Variants in TNIK observed in about 807,000 individuals in gnomAD.
TNIK encodes TRAF2 and NCK-interacting protein kinase.
In TNIK, 49 loss-of-function variants were observed where a neutral mutation model predicts 191.3. The observed-to-expected ratio is 0.26, with a 90% CI of 0.20 to 0.32. The LOEUF (loss-of-function observed/expected upper bound fraction) is 0.32, where lower values mean the gene tolerates loss of function less well. Among genes scored for constraint, TNIK ranks in the 10% least tolerant of loss-of-function variants. The pLI is 1.00. For synonymous variants in TNIK, 594 were observed against 600.9 expected (o/e 0.99, Z 0.17); for missense variants, 1,155 against 1,702.3 (o/e 0.68, Z 5.66).
intron 1 of TNIK, among the ~76,000 whole-genome samples, chr3:171,400,781 A>G (rs1720852851): frequency 6.6e-6 from 1 of 152,184 alleles, no homozygotes; most frequent in African/African-American, 2.4e-5. Flanking sequence ...CACAAAGACA[A>G]GGAAAGAGTC....
intron 2 of TNIK, among the ~76,000 whole-genome samples, chr3:171,281,947 T>C (rs757871386): frequency 6.6e-6 from 1 of 152,162 alleles, no homozygotes; most frequent in South Asian, 2.1e-4. Context: ...ACTGAATTAG[T>C]AACTATAGAA....
rs374543198 is a variant in TNIK, at chr3:171,138,239, A to G, written c.1560T>C (p.His520=). 31 of 1,612,798 alleles carry G rather than the reference A, an allele frequency of 1.9e-5. No homozygotes were observed. In the African/African-American group the frequency reaches 3.5e-4, roughly 18 times the overall value. ...CACTAGGACTCATTCCTTCTTTGTA[A>G]TGGTACAGTGGCTTCTTCTCCACAG... The part of the protein sequence containing the change: ...QRPVEKKPLY[H]YKEGMSPSEK... Residue 520 remains histidine, a synonymous_variant, in exon 15 of 33, where the codon CAT becomes CAC. Coordinates refer to ENST00000436636, the MANE Select transcript of TNIK (RefSeq NM_015028.4).
At chr3:171,081,268 A>G (rs182791041) in intron 27 of TNIK, among the ~76,000 whole-genome samples, 1 of 152,218 alleles carries the variant, frequency 6.6e-6, no homozygotes, top group East Asian at 1.9e-4. Context: ...GGTAAAAGAA[A>G]GAGGAAGTTT....
chr3:171,204,332 G>C (rs959049093), intron 4 of TNIK, among the ~76,000 whole-genome samples: 11 of 152,186 alleles, frequency 7.2e-5, no homozygotes, highest in African/African-American at 2.7e-4. Context: ...AAGACTGATA[G>C]GATTCGTACA....
chr3:171,067,755 C>A (rs1037519385), intron 30 of TNIK, among the ~76,000 whole-genome samples: 1 of 151,920 alleles, frequency 6.6e-6, no homozygotes, highest in Non-Finnish European at 1.5e-5. Flanking sequence ...TGTTGTGATC[C>A]CCTAGTTGAG....
chr3:171,304,672 A>T (rs1464399454), intron 2 of TNIK, among the ~76,000 whole-genome samples: 1 of 152,190 alleles, frequency 6.6e-6, no homozygotes, highest in East Asian at 1.9e-4. Context: ...ATGGAATACT[A>T]TGCAGCCATA....
intron 32 of TNIK, 63 bp from the exon 33 acceptor site, chr3:171,064,027 G>C (rs1370230945): frequency 6.7e-7 from 1 of 1,502,534 alleles, no homozygotes; most frequent in Admixed American, 1.8e-5. Flanking sequence ...TTCTTCAACC[G>C]TCCATCCATT....
chr3:171,311,628 T>G (rs1754023894), intron 2 of TNIK, among the ~76,000 whole-genome samples: 1 of 152,142 alleles, frequency 6.6e-6, no homozygotes, highest in African/African-American at 2.4e-5. Context: ...AATCTCTTAG[T>G]ATTGAGAACC....
At chr3:171,259,715 CACA>C (rs1435281321) in intron 2 of TNIK, among the ~76,000 whole-genome samples, 1 of 152,130 alleles carries the variant, frequency 6.6e-6, no homozygotes, top group Non-Finnish European at 1.5e-5. Context: ...AACTGAAAAG[CACA>C]ACCTCTTAAT....
At chr3:171,388,676 C>T (rs1285465517) in intron 1 of TNIK, among the ~76,000 whole-genome samples, 6 of 152,212 alleles carry the variant, frequency 3.9e-5, no homozygotes, top group African/African-American at 1.4e-4. Flanking sequence ...TGTTCACAAA[C>T]AACTTCCTTA....
chr3:171,262,999 A>G (rs1315341221), intron 2 of TNIK, among the ~76,000 whole-genome samples: 2 of 152,218 alleles, frequency 1.3e-5, no homozygotes, highest in African/African-American at 4.8e-5. Flanking sequence ...TCATGCCTGT[A>G]TCTGACACAT....
chr3:171,301,665 G>T (rs1054182654), intron 2 of TNIK, among the ~76,000 whole-genome samples: 1 of 152,190 alleles, frequency 6.6e-6, no homozygotes, highest in African/African-American at 2.4e-5. Flanking sequence ...AGACATAAAT[G>T]TAGGGAACTC....
intron 2 of TNIK, among the ~76,000 whole-genome samples, chr3:171,268,263 T>C (rs1466102907): frequency 6.6e-6 from 1 of 151,946 alleles, no homozygotes; most frequent in African/African-American, 2.4e-5. Context: ...TTAGCAAGAG[T>C]CCTGACAAGT....
At chr3:171,253,093 G>A (rs185329401) in intron 2 of TNIK, among the ~76,000 whole-genome samples, 3 of 151,540 alleles carry the variant, frequency 2.0e-5, no homozygotes, top group African/African-American at 7.3e-5. Flanking sequence ...TGGCCAACAC[G>A]GTGAAACCTC....
At chr3:171,200,783 A>T (rs1199021450) in intron 4 of TNIK, among the ~76,000 whole-genome samples, 1 of 152,204 alleles carries the variant, frequency 6.6e-6, no homozygotes, top group East Asian at 1.9e-4. Context: ...AAGGCAGTCA[A>T]AGGTTTGGAT....
intron 1 of TNIK, among the ~76,000 whole-genome samples, chr3:171,404,035 A>T (rs1041553021): frequency 3.9e-5 from 6 of 152,210 alleles, no homozygotes; most frequent in African/African-American, 1.2e-4. Flanking sequence ...GAAGTGGGAG[A>T]AGCATCTTCA....
At chr3:171,274,380 C>T (rs1035578584) in intron 2 of TNIK, among the ~76,000 whole-genome samples, 1 of 152,186 alleles carries the variant, frequency 6.6e-6, no homozygotes, top group Non-Finnish European at 1.5e-5. Flanking sequence ...TTATAGAGAC[C>T]GAGCCCAGGA....
intron 2 of TNIK, among the ~76,000 whole-genome samples, chr3:171,300,976 G>C (rs1339953849): frequency 1.3e-5 from 2 of 152,152 alleles, no homozygotes; most frequent in Admixed American, 1.3e-4. Flanking sequence ...ATGGATGGAT[G>C]TCAAAAACTT....
At chr3:171,206,297 A>G (rs1349676341) in intron 4 of TNIK, among the ~76,000 whole-genome samples, 1 of 150,530 alleles carries the variant, frequency 6.6e-6, no homozygotes, top group Non-Finnish European at 1.5e-5. Context: ...ATGTACACAC[A>G]GACAAATAAA....
Sources: allele counts gnomAD v4.1 joint callset (sites outside exome capture counted in the v4.1 genomes callset), GRCh38; gene constraint gnomAD v4.1.1; transcripts MANE v1.5; gene names NCBI Gene and HGNC (gene_info 2026-07-23, HGNC 2026-07-21).